USP48: variants seen among roughly 807,000 people sequenced by gnomAD.
USP48 encodes the protein ubiquitin carboxyl-terminal hydrolase 48.
Under a neutral mutation model 150.7 loss-of-function variants are expected in USP48, and 43 were observed. That is an observed-to-expected ratio of 0.29 (90% CI 0.22 to 0.37). The LOEUF (loss-of-function observed/expected upper bound fraction) is 0.37. Ranked by LOEUF, USP48 falls within the 10% of genes least tolerant of loss-of-function variation. The pLI, the probability that USP48 is intolerant of heterozygous loss-of-function variation, is 1.00. For synonymous variants in USP48, 396 were observed against 425.9 expected (o/e 0.93, Z 0.86); for missense variants, 813 against 1,249.6 (o/e 0.65, Z 5.27).
chr1:21,720,903 G>T (rs1219021134), intron 14 of USP48, 133 bp downstream of exon 14: 4 of 1,187,748 alleles, frequency 3.4e-6, no homozygotes, highest in Non-Finnish European at 4.7e-6. Context: ...TGGCACAACC[G>T]CTGGGCTCAA....
At chr1:21,762,790 T>C (rs1405663237) in intron 1 of USP48, among the ~76,000 whole-genome samples, 7 of 138,806 alleles carry the variant, frequency 5.0e-5, no homozygotes, top group African/African-American at 1.4e-4. Flanking sequence ...TGCTTGAACC[T>C]GGGAGGCGGA....
chr1:21,690,260 G>A (rs542903175), intron 23 of USP48, among the ~76,000 whole-genome samples, 161 bp from the exon 24 acceptor site: 2 of 151,674 alleles, frequency 1.3e-5, no homozygotes, highest in Non-Finnish European at 2.9e-5. Context: ...CTCCTACTGA[G>A]GCTATCGTCC....
chr1:21,750,005 A>G (rs2097805273), intron 6 of USP48, among the ~76,000 whole-genome samples: 1 of 152,108 alleles, frequency 6.6e-6, no homozygotes, highest in Admixed American at 6.6e-5. Context: ...ATGCACTCCC[A>G]TCTGCCCTCA....
chr1:21,744,056 G>T (rs2097788290), intron 8 of USP48, among the ~76,000 whole-genome samples: 1 of 152,182 alleles, frequency 6.6e-6, no homozygotes, highest in Non-Finnish European at 1.5e-5. Context: ...AGCAGTAGCT[G>T]TCTTTATTAC....
intron 23 of USP48, 91 bp from the exon 24 acceptor site, chr1:21,690,190 A>AC: frequency 7.3e-7 from 1 of 1,366,892 alleles, no homozygotes. Context: ...ATTCTTAAAA[A>AC]AAAAAAAAAG....
intron 3 of USP48, among the ~76,000 whole-genome samples, chr1:21,755,677 C>A (rs899430092): frequency 6.6e-6 from 1 of 152,058 alleles, no homozygotes; most frequent in African/African-American, 2.4e-5. Context: ...AGTCAATATA[C>A]CATCTGTAAA....
rs1207936158 is a variant in USP48, at chr1:21,783,079, C to A, written c.-122G>T. On this transcript the variant is annotated 5_prime_UTR_variant, in exon 1 of 27. Transcript: ENST00000308271. Reference sequence around the variant, plus strand: ...GAGGACCTGGCGCTCCTTCAGGCAGCTGGCCAGTCAATCACCTGTGCGCGC... The same window carrying A: ...GAGGACCTGGCGCTCCTTCAGGCAGATGGCCAGTCAATCACCTGTGCGCGC... 50 of 1,350,882 alleles carry A rather than the reference C, an allele frequency of 3.7e-5. No homozygotes were observed. Among genetic ancestry groups the A allele is most frequent in the Non-Finnish European group, 4.6e-5 (48 of 1,047,216 alleles). 83.7% of individuals were successfully genotyped at this position (1,350,882 alleles called of 1,614,324 possible).
At chr1:21,690,220 C>T in intron 23 of USP48, 121 bp from the exon 24 acceptor site, 3 of 1,183,666 alleles carry the variant, frequency 2.5e-6, no homozygotes, top group South Asian at 1.9e-5. Flanking sequence ...TACAAAACCA[C>T]TATTGTTTAC....
At chr1:21,771,212 A>G (rs1042180698) in intron 1 of USP48, among the ~76,000 whole-genome samples, 3 of 152,056 alleles carry the variant, frequency 2.0e-5, no homozygotes, top group Admixed American at 6.6e-5. Context: ...CGTCTCTACT[A>G]AAAATACAAA....
chr1:21,726,210 T>G (rs72877959), intron 11 of USP48, among the ~76,000 whole-genome samples: 2,242 of 152,106 alleles, frequency 0.015, 54 homozygotes, highest in African/African-American at 0.051. Context: ...AAGCTCAAAA[T>G]GCACAAAGCC....
chr1:21,774,925 G>A (rs112976574), intron 1 of USP48, among the ~76,000 whole-genome samples: 36 of 151,702 alleles, frequency 2.4e-4, no homozygotes, highest in African/African-American at 8.7e-4. Flanking sequence ...TTGGGAGGCG[G>A]AGGTTGCAGT....
intron 1 of USP48, among the ~76,000 whole-genome samples, chr1:21,773,003 T>C (rs2152645334): frequency 6.7e-6 from 1 of 149,972 alleles, no homozygotes; most frequent in Middle Eastern, 3.7e-3. Flanking sequence ...CTCACGCCTG[T>C]AATCCAACAC....
At chr1:21,742,590 A>G (rs1403465181) in intron 8 of USP48, among the ~76,000 whole-genome samples, 4 of 119,734 alleles carry the variant, frequency 3.3e-5, no homozygotes, top group Non-Finnish European at 7.2e-5. Context: ...AAAGAAAAGA[A>G]AAGAAAAGAA....
intron 9 of USP48, 72 bp downstream of exon 9, chr1:21,736,374 T>C (rs1470543265): frequency 6.5e-6 from 9 of 1,394,636 alleles, no homozygotes; most frequent in Non-Finnish European, 8.7e-6. Context: ...TGAGCCATAA[T>C]AATTTATCAC....
chr1:21,775,271 G>T (rs1248154643), intron 1 of USP48, among the ~76,000 whole-genome samples: 1 of 151,746 alleles, frequency 6.6e-6, no homozygotes, highest in Non-Finnish European at 1.5e-5. Flanking sequence ...TGGTTGGTTG[G>T]TTTTTATTGA....
At chr1:21,739,992 A>G (rs1290718812) in intron 8 of USP48, among the ~76,000 whole-genome samples, 1 of 151,822 alleles carries the variant, frequency 6.6e-6, no homozygotes, top group African/African-American at 2.4e-5. Context: ...GCTCACTGCA[A>G]CCTCCACCTC....
intron 14 of USP48, among the ~76,000 whole-genome samples, chr1:21,720,428 C>A (rs867695992): frequency 1.3e-5 from 2 of 152,128 alleles, no homozygotes; most frequent in African/African-American, 4.8e-5. Flanking sequence ...CTTTTATTTG[C>A]TCTGAGCTAC....
intron 1 of USP48, 65 bp from the exon 2 acceptor site, chr1:21,757,848 A>G (rs139440316): frequency 2.0e-6 from 3 of 1,501,366 alleles, no homozygotes; most frequent in East Asian, 4.6e-5. Context: ...CAAACAAATT[A>G]AAACTAAAAT....
chr1:21,688,458 A>G (rs1483303451), intron 24 of USP48, among the ~76,000 whole-genome samples: 1 of 151,468 alleles, frequency 6.6e-6, no homozygotes, highest in Non-Finnish European at 1.5e-5. Context: ...TGACCTCATG[A>G]TCCACCCACC....
Sources: gnomAD v4.1 joint callset for allele counts (sites outside exome capture counted in the v4.1 genomes callset) on GRCh38, gnomAD v4.1.1 for gene constraint, MANE v1.5 for transcripts, NCBI Gene and HGNC (gene_info 2026-07-23, HGNC 2026-07-21) for gene names.